Variants in DCC observed in about 807,000 individuals in gnomAD.
DCC encodes the protein netrin receptor DCC.
Under a neutral mutation model 172.5 loss-of-function variants are expected in DCC, and 58 were observed. The observed-to-expected ratio is 0.34, with a 90% CI of 0.27 to 0.42. DCC has a LOEUF of 0.42. Ranked by LOEUF, DCC falls within the 10% of genes least tolerant of loss-of-function variation. The probability of loss-of-function intolerance (pLI) is 1.00; values close to 1 mark genes in which losing one functional copy is unlikely to be tolerated. For synonymous variants in DCC, 709 were observed against 644.5 expected, an observed-to-expected ratio of 1.10 and a Z score of -1.52; for missense variants, 1,740 against 1,791.0, an observed-to-expected ratio of 0.97 and a Z score of 0.51.
intron 2 of DCC, among the ~76,000 whole-genome samples, chr18:52,771,880 A>AT (rs1454065964): frequency 6.9e-6 from 1 of 145,312 alleles, no homozygotes; most frequent in Admixed American, 6.6e-5. Flanking sequence ...TGAAAAAAAA[A>AT]AAAAAAGAAA....
chr18:53,469,855 A>T (rs2045673962), intron 25 of DCC, among the ~76,000 whole-genome samples: 1 of 152,062 alleles, frequency 6.6e-6, no homozygotes, highest in East Asian at 1.9e-4. Flanking sequence ...GTCACTCTCC[A>T]CTGAATCCAT....
At chr18:52,886,428 C>A (rs1443621491) in intron 2 of DCC, among the ~76,000 whole-genome samples, 1 of 152,130 alleles carries the variant, frequency 6.6e-6, no homozygotes, top group East Asian at 1.9e-4. Flanking sequence ...CTTAGCTGTG[C>A]ACTGTGACAG....
chr18:53,128,967 AC>A lies in DCC; in HGVS notation c.1262-28387del, dbSNP rs200983712. Among the ~76,000 whole-genome samples the A allele has an allele frequency of 9.6e-3, 1,433 of 150,046 alleles. 32 individuals carry two copies. Among genetic ancestry groups the A allele is most frequent in the African/African-American group, 0.033 (1,329 of 40,864 alleles). ...AGTGGTGCGATCTCAGCACACTGCA[AC>A]CTGCATCTCCCAGGTTCAAGCTATT... On this transcript the variant is annotated intron_variant, in intron 7 of 28. Coordinates refer to ENST00000442544, the MANE Select transcript of DCC (RefSeq NM_005215.4).
chr18:52,949,272 A>G (rs1362201701), intron 5 of DCC, among the ~76,000 whole-genome samples: 2 of 152,174 alleles, frequency 1.3e-5, no homozygotes, highest in African/African-American at 4.8e-5. Flanking sequence ...AGCCTAGAAG[A>G]GTTCTTGACT....
chr18:53,130,669 G>T (rs1257729823), intron 7 of DCC, among the ~76,000 whole-genome samples: 1 of 151,996 alleles, frequency 6.6e-6, no homozygotes, highest in Non-Finnish European at 1.5e-5. Context: ...ACTTACTCTG[G>T]TCTTCTGTAT....
intron 27 of DCC, among the ~76,000 whole-genome samples, chr18:53,506,325 T>C (rs2046174792): frequency 6.6e-6 from 1 of 152,124 alleles, no homozygotes; most frequent in Non-Finnish European, 1.5e-5. Flanking sequence ...GGATTAGATA[T>C]CAGGTACTAG....
chr18:52,596,281 C>T (rs2033909107), intron 1 of DCC, among the ~76,000 whole-genome samples: 1 of 152,176 alleles, frequency 6.6e-6, no homozygotes, highest in South Asian at 2.1e-4. Context: ...AAACACAATT[C>T]AAATATAATG....
At chr18:52,478,294 T>G (rs1013586454) in intron 1 of DCC, among the ~76,000 whole-genome samples, 10 of 152,204 alleles carry the variant, frequency 6.6e-5, no homozygotes, top group Admixed American at 6.5e-5. Flanking sequence ...ATATCAAATG[T>G]GTCTTTTCTT....
chr18:52,798,457 G>A (rs938504413), intron 2 of DCC, among the ~76,000 whole-genome samples: 11 of 152,238 alleles, frequency 7.2e-5, no homozygotes, highest in African/African-American at 2.6e-4. Flanking sequence ...TCTTGCTTCA[G>A]CCTCCCAAAA....
At chr18:52,940,008 A>G (rs1721750918) in intron 5 of DCC, among the ~76,000 whole-genome samples, 1 of 152,184 alleles carries the variant, frequency 6.6e-6, no homozygotes, top group African/African-American at 2.4e-5. Context: ...AGCCTCTTAG[A>G]AATGAAAATT....
intron 5 of DCC, among the ~76,000 whole-genome samples, chr18:53,008,956 A>G (rs1178023024): frequency 6.6e-6 from 1 of 151,978 alleles, no homozygotes; most frequent in Non-Finnish European, 1.5e-5. Context: ...AGCTTATATT[A>G]AAGAAGGAAA....
chr18:52,468,419 G>A (rs183438882), intron 1 of DCC, among the ~76,000 whole-genome samples: 216 of 152,216 alleles, frequency 1.4e-3, no homozygotes, highest in Admixed American at 3.5e-3. Context: ...AATTTTGCAG[G>A]GCTCTTTGGA....
intron 1 of DCC, among the ~76,000 whole-genome samples, chr18:52,627,550 GT>G (rs1287777557): frequency 6.6e-6 from 1 of 152,170 alleles, no homozygotes; most frequent in Non-Finnish European, 1.5e-5. Flanking sequence ...AAATTATTTT[GT>G]TTTATAAGAT....
chr18:53,409,432 T>C (rs1909857231), intron 19 of DCC, among the ~76,000 whole-genome samples: 1 of 152,176 alleles, frequency 6.6e-6, no homozygotes, highest in African/African-American at 2.4e-5. Flanking sequence ...GGGACACTTA[T>C]AGCCTATGTT....
chr18:52,923,944 C>A, intron 4 of DCC, 87 bp downstream of exon 4: 1 of 939,376 alleles, frequency 1.1e-6, no homozygotes, highest in Non-Finnish European at 1.7e-6. Context: ...ATATAAGTAC[C>A]TACAGTACTA....
chr18:52,415,836 A>G (rs1324096921), intron 1 of DCC, among the ~76,000 whole-genome samples: 1 of 152,112 alleles, frequency 6.6e-6, no homozygotes, highest in Non-Finnish European at 1.5e-5. Flanking sequence ...TCCTGGATTC[A>G]TTAATTTTTG....
At position 53,386,154 on chromosome 18, in the gene DCC, A is replaced by C. The variant is rs1416589323; in HGVS notation, c.2455+16A>C. On this transcript the variant is annotated intron_variant, in intron 16 of 28. Coordinates refer to ENST00000442544, the MANE Select transcript of DCC (RefSeq NM_005215.4). Reference sequence around the variant, plus strand: ...TCTATAACCGGTAAGTGAAATTGTTAATCTTCCTCTGACAAAGTATATTTG... The same window carrying C: ...TCTATAACCGGTAAGTGAAATTGTTCATCTTCCTCTGACAAAGTATATTTG... 2.7e-6 allele frequency: 4 copies of C among 1,481,012 alleles called. No individual in the cohort carries two copies. The highest frequency in any genetic ancestry group is 2.8e-5 in the African/African-American group (2 of 72,274). The allele number at this position is 1,481,012 out of a possible 1,614,324, so 91.7% of individuals were successfully genotyped here. A position where few individuals can be genotyped will look rare whatever the true frequency, so the allele number is the denominator to read the frequency against.
At chr18:52,737,783 G>A (rs574895484) in intron 1 of DCC, among the ~76,000 whole-genome samples, 2 of 152,252 alleles carry the variant, frequency 1.3e-5, no homozygotes, top group East Asian at 1.9e-4. Flanking sequence ...GAATGAATAC[G>A]ATGAAGAACT....
chr18:53,100,598 A>G (rs1002617810), intron 7 of DCC, among the ~76,000 whole-genome samples: 4 of 151,930 alleles, frequency 2.6e-5, no homozygotes, highest in Non-Finnish European at 4.4e-5. Flanking sequence ...AAGAAGCAGG[A>G]CAAAAGGGAC....
Sources: gnomAD v4.1 joint callset for allele counts (sites outside exome capture counted in the v4.1 genomes callset) on GRCh38, gnomAD v4.1.1 for gene constraint, MANE v1.5 for transcripts, NCBI Gene and HGNC (gene_info 2026-07-23, HGNC 2026-07-21) for gene names.